Variants in SGCD observed in about 807,000 individuals in gnomAD.
SGCD encodes the protein delta-sarcoglycan.
In SGCD, 18 loss-of-function variants were observed where a neutral mutation model predicts 36.6. The observed-to-expected ratio is 0.49, with a 90% confidence interval of 0.34 to 0.73. SGCD has a LOEUF of 0.73. Among genes scored for constraint, SGCD ranks in the 30% least tolerant of loss-of-function variants. The pLI, the probability that SGCD is intolerant of heterozygous loss-of-function variation, is 0.01. For missense variants in SGCD, 387 were observed against 346.7 expected (o/e 1.12, Z -0.92); for synonymous variants, 133 against 130.6 (o/e 1.02, Z -0.12).
intron 3 of SGCD, among the ~76,000 whole-genome samples, chr5:156,266,343 T>C (rs190459822): frequency 6.6e-6 from 1 of 152,258 alleles, no homozygotes; most frequent in East Asian, 1.9e-4. Flanking sequence ...AATAGCAGAA[T>C]TAAAAAATGG....
intron 3 of SGCD, among the ~76,000 whole-genome samples, chr5:156,450,004 C>T (rs546110776): frequency 7.2e-5 from 11 of 152,146 alleles, no homozygotes; most frequent in East Asian, 1.9e-4. Context: ...CCAAAAGCTG[C>T]GTATTCTCAA....
intron 1 of SGCD, among the ~76,000 whole-genome samples, chr5:155,931,558 C>T (rs895877755): frequency 4.6e-5 from 7 of 152,002 alleles, no homozygotes; most frequent in Non-Finnish European, 2.9e-5. Flanking sequence ...TGCTTGGGGG[C>T]TATTAAATAA....
intron 6 of SGCD, among the ~76,000 whole-genome samples, chr5:156,611,303 A>T (rs777692852): frequency 8.5e-5 from 13 of 152,192 alleles, no homozygotes; most frequent in Non-Finnish European, 1.8e-4. Context: ...TTTGTAAGTT[A>T]TGACGAATTC....
At chr5:156,747,156 C>T (rs536669070) in intron 7 of SGCD, among the ~76,000 whole-genome samples, 73 of 152,210 alleles carry the variant, frequency 4.8e-4, no homozygotes, top group Middle Eastern at 3.4e-3. Context: ...TAATAAAGTA[C>T]TATTATGTAG....
chr5:156,518,386 A>T (rs1757269419), intron 4 of SGCD, among the ~76,000 whole-genome samples: 1 of 152,218 alleles, frequency 6.6e-6, no homozygotes, highest in South Asian at 2.1e-4. Flanking sequence ...ACACAATAAT[A>T]GTGTGAGACT....
At chr5:156,163,850 C>T (rs1201895807) in intron 3 of SGCD, among the ~76,000 whole-genome samples, 1 of 150,852 alleles carries the variant, frequency 6.6e-6, no homozygotes, top group Non-Finnish European at 1.5e-5. Flanking sequence ...GAAACCCCGT[C>T]TCTACTAAAA....
chr5:156,367,436 G>A (rs1770162231), intron 3 of SGCD, among the ~76,000 whole-genome samples: 1 of 152,152 alleles, frequency 6.6e-6, no homozygotes, highest in African/African-American at 2.4e-5. Context: ...GGAAAGGGTA[G>A]GAAATTGTTA....
chr5:156,232,897 C>T (rs2127652177), intron 3 of SGCD, among the ~76,000 whole-genome samples: 1 of 152,264 alleles, frequency 6.6e-6, no homozygotes, highest in South Asian at 2.1e-4. Context: ...TCAGAAAAGA[C>T]TGGAGACAAA....
intron 6 of SGCD, among the ~76,000 whole-genome samples, chr5:156,629,971 C>G (rs1413122626): frequency 6.6e-6 from 1 of 150,420 alleles, no homozygotes; most frequent in Non-Finnish European, 1.5e-5. Flanking sequence ...AAGTGACTGT[C>G]CTGCCTCAGC....
At chr5:156,246,389 GA>G (rs1036940079) in intron 3 of SGCD, among the ~76,000 whole-genome samples, 4 of 151,192 alleles carry the variant, frequency 2.6e-5, no homozygotes, top group African/African-American at 4.9e-5. Context: ...AAATTCTATT[GA>G]AAAAAAATCA....
At chr5:156,748,394 A>C (rs80134361) in intron 7 of SGCD, among the ~76,000 whole-genome samples, 1,744 of 152,360 alleles carry the variant, frequency 0.011, 11 homozygotes, top group Non-Finnish European at 0.019. Context: ...AATTTTAAAA[A>C]TTTCGGTTAT....
chr5:156,073,619 G>A (rs888807882), intron 1 of SGCD, among the ~76,000 whole-genome samples: 2 of 152,142 alleles, frequency 1.3e-5, no homozygotes, highest in Non-Finnish European at 2.9e-5. Context: ...TTCTATTCGT[G>A]TACAGAGTAA....
chr5:155,742,190 T>C, the SGCD span, among the ~76,000 whole-genome samples: 2 of 152,218 alleles, frequency 1.3e-5, no homozygotes, highest in Non-Finnish European at 2.9e-5. Context: ...TAATTCTCAT[T>C]GTTGATTTTA....
At chr5:155,810,795 CTTTTTTTTTTTTTTTTTTTTTTTTTTT>C in the SGCD span, among the ~76,000 whole-genome samples, 22 of 35,332 alleles carry the variant, frequency 6.2e-4, no homozygotes, top group African/African-American at 1.9e-3. Flanking sequence ...TTAGTGTCTG[CTTTTTTTTTTTTTTTTTTTTTTTTTTT>C]TTTTTTTTTT....
At chr5:156,114,305 T>C (rs1445926448) in intron 1 of SGCD, among the ~76,000 whole-genome samples, 3 of 152,076 alleles carry the variant, frequency 2.0e-5, no homozygotes, top group African/African-American at 4.8e-5. Context: ...GCTGCGAACC[T>C]AAAACTGCTA....
chr5:156,651,915 G>A (rs192847746), intron 7 of SGCD, among the ~76,000 whole-genome samples: 6 of 152,062 alleles, frequency 3.9e-5, no homozygotes, highest in Admixed American at 3.9e-4. Context: ...CATGAGCATG[G>A]AATGTTTTCC....
chr5:156,628,046 G>T (rs537917001), intron 6 of SGCD, among the ~76,000 whole-genome samples: 1 of 152,212 alleles, frequency 6.6e-6, no homozygotes, highest in African/African-American at 2.4e-5. Context: ...TCAGCTTTGG[G>T]GAAGCCTCAG....
intron 3 of SGCD, among the ~76,000 whole-genome samples, chr5:156,207,668 G>T (rs1301745808): frequency 6.6e-6 from 1 of 152,096 alleles, no homozygotes; most frequent in Non-Finnish European, 1.5e-5. Context: ...AATATAAATT[G>T]TAAAGAGTCT....
intron 7 of SGCD, among the ~76,000 whole-genome samples, chr5:156,720,336 T>C (rs1223555669): frequency 6.6e-6 from 1 of 152,148 alleles, no homozygotes; most frequent in African/African-American, 2.4e-5. Flanking sequence ...GATTCTGTTA[T>C]AAATGGGTGG....
Sources: gnomAD v4.1 joint callset for allele counts (sites outside exome capture counted in the v4.1 genomes callset) on GRCh38, gnomAD v4.1.1 for gene constraint, MANE v1.5 for transcripts, NCBI Gene and HGNC (gene_info 2026-07-23, HGNC 2026-07-21) for gene names.